Variants in CCDC158 observed in about 807,000 individuals in gnomAD.
CCDC158 encodes coiled-coil domain containing 158, also known as coiled-coil domain-containing protein 158.
A neutral mutation model predicts 138.6 loss-of-function variants in CCDC158; 116 were observed. That is an observed-to-expected ratio of 0.84 (90% CI 0.72 to 0.98). The LOEUF (loss-of-function observed/expected upper bound fraction) is 0.98. Among genes scored for constraint, CCDC158 ranks in the 50% least tolerant of loss-of-function variants. CCDC158 has a pLI of 0.00. For missense variants in CCDC158, 1,265 were observed against 1,306.1 expected (o/e 0.97, Z 0.48); for synonymous variants, 436 against 442.4 (o/e 0.99, Z 0.18).
chr4:76,404,869 G>A (rs1728689405), intron 2 of CCDC158, among the ~76,000 whole-genome samples: 1 of 151,234 alleles, frequency 6.6e-6, no homozygotes. Flanking sequence ...CCACAAAAAG[G>A]AAGAAAAGAA....
rs775684993 is a variant in CCDC158 at position 76,325,868 on chromosome 4, T to A, written c.3158A>T (p.Asp1053Val). Residue 1053 changes from aspartate to valine, a missense_variant, in exon 23 of 25, where the codon GAT becomes GTT. By Grantham distance (152) the Asp-to-Val change is radical. Transcript: ENST00000682701. The part of the protein sequence containing the change: ...YRSAKPIHSS[D>V]SVKDSQSPPI... ...CAGATCTTTCTTACCTTTAACAGAA[T>A]CAGATGAATGAATAGGTTTGGCAGA... 5.0e-6 allele frequency: 8 copies of A among 1,608,486 alleles called. No homozygotes were observed. In the African/African-American group the frequency reaches 1.1e-4, roughly 22 times the overall value.
chr4:76,372,478 C>G, intron 9 of CCDC158, among the ~76,000 whole-genome samples: 1 of 152,262 alleles, frequency 6.6e-6, no homozygotes, highest in East Asian at 1.9e-4. Flanking sequence ...AAACAACATG[C>G]TGCAGAGCCT....
chr4:76,354,344 T>C (rs1026512218), intron 15 of CCDC158, among the ~76,000 whole-genome samples: 11 of 151,582 alleles, frequency 7.3e-5, no homozygotes, highest in Admixed American at 7.2e-4. Context: ...ATAAGGGGTA[T>C]GCACAAATGT....
intron 1 of CCDC158, among the ~76,000 whole-genome samples, chr4:76,420,084 A>C (rs1729990611): frequency 6.6e-6 from 1 of 151,866 alleles, no homozygotes; most frequent in Non-Finnish European, 1.5e-5. Flanking sequence ...CACCCACAAC[A>C]CAAGTAAGAT....
intron 1 of CCDC158, among the ~76,000 whole-genome samples, chr4:76,420,551 C>T (rs2109944591): frequency 6.6e-6 from 1 of 152,298 alleles, no homozygotes; most frequent in Non-Finnish European, 1.5e-5. Context: ...CTGAAAGGGC[C>T]CTTGCGCCGG....
chr4:76,410,507 C>A (rs1729213238), intron 2 of CCDC158, among the ~76,000 whole-genome samples: 1 of 152,102 alleles, frequency 6.6e-6, no homozygotes. Context: ...TGATTGCGTA[C>A]AGATGACTTA....
At chr4:76,331,965 T>A (rs1161805133) in intron 20 of CCDC158, among the ~76,000 whole-genome samples, 1 of 152,168 alleles carries the variant, frequency 6.6e-6, no homozygotes, top group Admixed American at 6.5e-5. Context: ...TTATTTGGAG[T>A]TATGGATTTC....
intron 18 of CCDC158, among the ~76,000 whole-genome samples, chr4:76,349,423 C>T (rs112657136): frequency 3.9e-5 from 6 of 152,178 alleles, no homozygotes; most frequent in Non-Finnish European, 7.3e-5. Context: ...AATCTCAGCA[C>T]TTTGGGAGGC....
chr4:76,406,497 A>G (rs1728839166), intron 2 of CCDC158, among the ~76,000 whole-genome samples: 2 of 152,162 alleles, frequency 1.3e-5, no homozygotes, highest in African/African-American at 4.8e-5. Context: ...TAAACACTAT[A>G]CTTTGATAAC....
At chr4:76,407,114 A>C (rs564014001) in intron 2 of CCDC158, 65 of 152,280 alleles carry the variant, frequency 4.3e-4, no homozygotes, top group African/African-American at 1.4e-3. Flanking sequence ...CACGCTGCTT[A>C]TCATTTTTAC....
chr4:76,386,211 A>G (rs1726770111), intron 4 of CCDC158, among the ~76,000 whole-genome samples: 1 of 152,118 alleles, frequency 6.6e-6, no homozygotes, highest in Non-Finnish European at 1.5e-5. Flanking sequence ...GCCATCCTCG[A>G]TGGGAACACC....
At chr4:76,414,701 T>G (rs374728479) in intron 1 of CCDC158, among the ~76,000 whole-genome samples, 3 of 152,334 alleles carry the variant, frequency 2.0e-5, no homozygotes, top group African/African-American at 7.2e-5. Flanking sequence ...TGAGATCCGA[T>G]GGGGTTGTAA....
chr4:76,375,328 CAT>C (rs1361998605), intron 9 of CCDC158: 1 of 406,418 alleles, frequency 2.5e-6, no homozygotes, highest in African/African-American at 2.1e-5. Flanking sequence ...TATTGCCAAT[CAT>C]ATCAAATCAC....
chr4:76,383,262 A>C (rs965773712), intron 7 of CCDC158, among the ~76,000 whole-genome samples: 2 of 152,136 alleles, frequency 1.3e-5, no homozygotes. Context: ...ATATCTGATC[A>C]AGTTCTTCAT....
At position 76,391,464 on chromosome 4, in the gene CCDC158, A is replaced by G. The variant is rs79378390; in HGVS notation, c.288+4805T>C. ...TGAAGAAATTAAGAAGGACATTTAA[A>G]ATTGTATTGAAACATATGATAATGG... On this transcript the variant is annotated intron_variant, in intron 4 of 24. Transcript: ENST00000682701. Among the ~76,000 whole-genome samples the G allele has an allele frequency of 3.4e-3, 510 of 152,108 alleles. 12 individuals are homozygous for G. The East Asian group carries it at 0.061, about 18-fold the overall frequency.
In CCDC158 at chr4:76,396,470, A is replaced by AAATGAACTTGAAGAACCT; in HGVS notation, c.71-2_86dup (p.Ser28_Phe29insLeuGlySerSerSerSer). On this transcript the variant is annotated inframe_insertion, in exon 4 of 25. Transcript: ENST00000682701. ...TTGTACCACGAATAGATGACACAAAAAATGAACTTGAAGAACCTAAATATT... is the reference window on the plus strand; with the variant it reads ...TTGTACCACGAATAGATGACACAAAAAATGAACTTGAAGAACCTAATGAACTTGAAGAACCTAAATATT... 1 of 1,604,994 alleles carries AAATGAACTTGAAGAACCT rather than the reference A, an allele frequency of 6.2e-7. No individual in the cohort carries two copies. The highest frequency in any genetic ancestry group is 8.5e-7 in the Non-Finnish European group (1 of 1,177,530).
intron 24 of CCDC158, among the ~76,000 whole-genome samples, chr4:76,323,059 G>T (rs999712260): frequency 6.6e-6 from 1 of 152,178 alleles, no homozygotes; most frequent in East Asian, 1.9e-4. Flanking sequence ...CTCCTCCTGA[G>T]GGATGGCCGG....
In CCDC158 at chr4:76,367,405, G is replaced by A; in HGVS notation, c.1719C>T (p.Asn573=). The stretch of plus-strand genomic sequence containing the variant: ...CATGCTGGCCCACCAGCTGTGTCAT[G>A]TTCTCAATCTGCTGTCGCAGAATCT... ...VIEILRQQIE[N]MTQLVGQHGR... The change falls in exon 12 of 25, where the codon AAC becomes AAT. Residue 573 remains asparagine, a synonymous_variant. Coordinates refer to ENST00000682701, the MANE Select transcript of CCDC158 (RefSeq NM_001394954.1). The A allele has an allele frequency of 1.2e-6, 2 of 1,614,228 alleles. No homozygotes were observed. The highest frequency in any genetic ancestry group is 1.7e-6 in the Non-Finnish European group (2 of 1,180,048).
chr4:76,386,205 T>C (rs1877323), intron 4 of CCDC158, among the ~76,000 whole-genome samples: 132,559 of 152,166 alleles, frequency 0.87, 57,877 homozygotes, highest in South Asian at 0.97. Flanking sequence ...ACCCCTGCCA[T>C]CCTCGATGGG....
Sources: gnomAD v4.1 joint callset for allele counts (sites outside exome capture counted in the v4.1 genomes callset) on GRCh38, gnomAD v4.1.1 for gene constraint, MANE v1.5 for transcripts, NCBI Gene and HGNC (gene_info 2026-07-23, HGNC 2026-07-21) for gene names.